Variants in VPS18 observed in about 807,000 individuals in gnomAD.
The protein encoded by VPS18 is VPS18 core subunit of CORVET and HOPS complexes.
A neutral mutation model predicts 82.0 loss-of-function variants in VPS18; 25 were observed. The observed-to-expected ratio is 0.30, with a 90% CI of 0.22 to 0.43. VPS18 has a LOEUF of 0.43. VPS18 is among the 20% of genes least tolerant of loss of function. VPS18 has a pLI of 1.00. For synonymous variants in VPS18, 523 were observed against 543.0 expected (o/e 0.96, Z 0.51); for missense variants, 1,168 against 1,311.1 (o/e 0.89, Z 1.69).
In VPS18 at chr15:40,900,375, C is replaced by G; in HGVS notation, c.1557C>G (p.Thr519=). Residue 519 remains threonine (T), a synonymous_variant, in exon 4 of 5, where the codon ACC becomes ACG. Coordinates refer to ENST00000220509, the MANE Select transcript of VPS18 (RefSeq NM_020857.3). This position sits in a 1 kb window ranked among gnomAD's most constrained non-coding sequence, Gnocchi z 5.4. ...DPEALTLYRE[T]KECFRTFLSS... The stretch of plus-strand genomic sequence containing the variant: ...AGGCCCTGACTCTCTACCGAGAAAC[C>G]AAGGAATGCTTTCGAACCTTCCTCA... The G allele has an allele frequency of 6.2e-7, 1 of 1,613,774 alleles. No homozygotes were observed. Among genetic ancestry groups the G allele is most frequent in the Non-Finnish European group, 8.5e-7 (1 of 1,180,008 alleles).
intron 2 of VPS18, among the ~76,000 whole-genome samples, chr15:40,897,639 A>T (rs1424595412): frequency 3.9e-5 from 6 of 152,218 alleles, no homozygotes; most frequent in Non-Finnish European, 7.3e-5. Context: ...TCATAAGGAA[A>T]ATATAAACAG....
In VPS18 at chr15:40,903,899, C is replaced by G. The variant is rs1017840465; in HGVS notation, c.*558C>G. The G allele has an allele frequency of 1.3e-5, 2 of 153,032 alleles. No individual in the cohort carries two copies. Among genetic ancestry groups the G allele is most frequent in the Non-Finnish European group, 2.9e-5 (2 of 68,636 alleles). 9.5% of individuals were successfully genotyped at this position (153,032 alleles called of 1,614,324 possible). On this transcript the variant is annotated 3_prime_UTR_variant, in exon 5 of 5. Coordinates refer to ENST00000220509, the MANE Select transcript of VPS18 (RefSeq NM_020857.3). ...CTCTGGGGCTCCAGTGTGAAGGGTG[C>G]CCTGGGGCTGAGGGCCTTGTGGAGG...
Position 40,903,178 on chromosome 15 carries a change from G to A in VPS18, c.2759G>A (p.Gly920Asp), listed in dbSNP as rs756745418. 2.5e-6 allele frequency: 4 copies of A among 1,607,460 alleles called. No homozygotes were observed. The highest frequency in any genetic ancestry group is 3.4e-5 in the Admixed American group (2 of 58,868). Residue 920 changes from glycine (G) to aspartate (D), a missense_variant, in exon 5 of 5, where the codon GGT becomes GAT. By Grantham distance (94) the Gly-to-Asp change is moderately conservative. Coordinates refer to ENST00000220509, the MANE Select transcript of VPS18 (RefSeq NM_020857.3). ...TCTGCCCGGGCCAAGGAGGCCGAGGGTGGGGCTGCCACGGCAGGGCCCAGC... is the reference window on the plus strand; with the variant it reads ...TCTGCCCGGGCCAAGGAGGCCGAGGATGGGGCTGCCACGGCAGGGCCCAGC... ...KGSARAKEAE[G>D]GAATAGPSRE...
At position 40,902,881 on chromosome 15, in the gene VPS18, G is replaced by A. The variant is rs201634565; in HGVS notation, c.2462G>A (p.Arg821Gln). Reference protein sequence around the residue: ...AYNHHIQELQREMEEATASAQ... With the variant: ...AYNHHIQELQQEMEEATASAQ... ...AACCACCACATCCAGGAGCTGCAGC[G>A]GGAGATGGAAGAGGCTACAGCCAGT... is the stretch of plus-strand genomic sequence containing the variant. The change falls in exon 5 of 5, where the codon CGG (arginine) becomes CAG (glutamine). Residue 821 changes from arginine (R) to glutamine (Q), a missense_variant. Coordinates refer to ENST00000220509, the MANE Select transcript of VPS18 (RefSeq NM_020857.3). The surrounding 1 kb of genome is among the most constrained non-coding windows in gnomAD (Gnocchi z 4.2). 1.9e-4 allele frequency: 305 copies of A among 1,614,268 alleles called. No individual in the cohort carries two copies. Among genetic ancestry groups the A allele is most frequent in the Non-Finnish European group, 2.3e-4 (272 of 1,180,046 alleles).
Position 40,903,433 on chromosome 15 carries a change from T to G in VPS18, c.*92T>G, listed in dbSNP as rs1892401057. The G allele has an allele frequency of 1.4e-6, 2 of 1,480,058 alleles. No homozygotes were observed. 91.7% of individuals were successfully genotyped at this position (1,480,058 alleles called of 1,614,324 possible). A position where few individuals can be genotyped will look rare whatever the true frequency, so the allele number is the denominator to read the frequency against. ...GCCTCCTAGGCTCTGCTCAGTCATC[T>G]TGCAATTGCCACACTGTGACCACGT... On this transcript the variant is annotated 3_prime_UTR_variant, in exon 5 of 5. Transcript: ENST00000220509.
intron 4 of VPS18, 55 bp downstream of exon 4, chr15:40,901,069 T>G (rs1892349781): frequency 6.4e-7 from 1 of 1,557,506 alleles, no homozygotes; most frequent in Non-Finnish European, 8.7e-7. Context: ...AGCAGTAGCT[T>G]TAGATGTGGA....
chr15:40,894,969 C>T (rs1428107891), intron 1 of VPS18, 110 bp downstream of exon 1: 6 of 1,108,134 alleles, frequency 5.4e-6, no homozygotes, highest in Non-Finnish European at 7.5e-6. Flanking sequence ...GCCGTGCCTT[C>T]CGGGTCTAGG....
rs752714151 is a variant in VPS18, at chr15:40,902,843, A to G, written c.2424A>G (p.Ser808=). The G allele has an allele frequency of 6.2e-7, 1 of 1,614,204 alleles. No homozygotes were observed. The highest frequency in any genetic ancestry group is 1.7e-5 in the Admixed American group (1 of 60,022). Residue 808 remains serine (S), a synonymous_variant, in exon 5 of 5, where the codon TCA becomes TCG. Transcript: ENST00000220509. This position sits in a 1 kb window ranked among gnomAD's most constrained non-coding sequence, Gnocchi z 4.2. ...ACTTCAAGGAGGCGATCTGCAGCTCACTTAAGGCCTACAACCACCACATCC... is the reference window on the plus strand; with the variant it reads ...ACTTCAAGGAGGCGATCTGCAGCTCGCTTAAGGCCTACAACCACCACATCC... The part of the protein sequence containing the change: ...IDHFKEAICS[S]LKAYNHHIQE...
In VPS18 at chr15:40,895,973, A is replaced by C. The variant is rs1173217096; in HGVS notation, c.127A>C (p.Ile43Leu). The C allele has an allele frequency of 1.2e-6, 2 of 1,614,048 alleles. No homozygotes were observed. The highest frequency in any genetic ancestry group is 2.2e-5 in the East Asian group (1 of 44,890). The stretch of plus-strand genomic sequence containing the variant: ...TGCCCAGCTGGAGAAGGAAGTGCCC[A>C]TCTTCACAAAGCAGCGCATTGACTT... ...VNAQLEKEVPIFTKQRIDFTP... is the reference protein window; with the variant it reads ...VNAQLEKEVPLFTKQRIDFTP... Residue 43 changes from isoleucine (I) to leucine (L), a missense_variant, in exon 2 of 5, where the codon ATC becomes CTC. Transcript: ENST00000220509.
intron 2 of VPS18, 185 bp from the exon 3 acceptor site, chr15:40,898,722 C>T (rs1052167477): frequency 4.4e-6 from 3 of 679,080 alleles, no homozygotes; most frequent in Admixed American, 2.2e-5. Context: ...ATCTACCCAC[C>T]TCGGACTCCC....
In VPS18 at chr15:40,894,682, C is replaced by T. The variant is rs1892196965; in HGVS notation, c.-87C>T. ...TCTGTCAGAGGCTGGGGAGTTACAG[C>T]TTCCATTCTGGGGCGACGGGGACCC... On this transcript the variant is annotated 5_prime_UTR_variant, in exon 1 of 5. Coordinates refer to ENST00000220509, the MANE Select transcript of VPS18 (RefSeq NM_020857.3). 3 of 1,331,164 alleles carry T rather than the reference C, an allele frequency of 2.3e-6. No homozygotes were observed. The highest frequency in any genetic ancestry group is 3.0e-6 in the Non-Finnish European group (3 of 989,654). The allele number at this position is 1,331,164 out of a possible 1,614,324, so 82.5% of individuals were successfully genotyped here.
chr15:40,902,788 C>T lies in VPS18; in HGVS notation c.2369C>T (p.Pro790Leu). ...CPLLKIEDVL[P>L]FFPDFVTIDH... The stretch of plus-strand genomic sequence containing the variant: ...TTGCTCAAGATTGAGGATGTGCTGC[C>T]CTTCTTTCCTGATTTCGTCACCATC... The change falls in exon 5 of 5, where the codon CCC (proline) becomes CTC (leucine). Residue 790 changes from proline (P) to leucine (L), a missense_variant. Around this residue, in one of 3 missense-constraint regions of VPS18, gnomAD observed 296 missense variants for 354.0 expected, o/e 0.84. Transcript: ENST00000220509. The surrounding 1 kb of genome is among the most constrained non-coding windows in gnomAD (Gnocchi z 4.2). The T allele has an allele frequency of 6.2e-7, 1 of 1,614,246 alleles. No individual in the cohort carries two copies. The highest frequency in any genetic ancestry group is 8.5e-7 in the Non-Finnish European group (1 of 1,180,040).
At chr15:40,895,098 T>C (rs2142035185) in intron 1 of VPS18, among the ~76,000 whole-genome samples, 1 of 152,326 alleles carries the variant, frequency 6.6e-6, no homozygotes, top group East Asian at 1.9e-4. Context: ...GAGAGGGAAT[T>C]GGGGCCCAGA....
intron 2 of VPS18, among the ~76,000 whole-genome samples, chr15:40,898,440 C>T (rs1892272830): frequency 6.6e-6 from 1 of 151,596 alleles, no homozygotes; most frequent in Non-Finnish European, 1.5e-5. Context: ...TTCAGGGCTA[C>T]TCCATAGGCA....
At position 40,899,754 on chromosome 15, in the gene VPS18, G is replaced by C; in HGVS notation, c.936G>C (p.Trp312Cys). 6.2e-7 allele frequency: 1 copy of C among 1,613,566 alleles called. No homozygotes were observed. The highest frequency in any genetic ancestry group is 8.5e-7 in the Non-Finnish European group (1 of 1,180,036). The change falls in exon 4 of 5, where the codon TGG (tryptophan) becomes TGC (cysteine). Residue 312 changes from tryptophan (W) to cysteine (C), a missense_variant. This residue lies in a region of VPS18 where 868 missense variants were observed against 939.8 expected (regional missense o/e 0.92). Transcript: ENST00000220509. This position sits in a 1 kb window ranked among gnomAD's most constrained non-coding sequence, Gnocchi z 4.4. Reference sequence around the variant, plus strand: ...CTCTGCTGAGCGAGGAGCGAGTCTGGGAGTACCCAGAGGGGGTAGGGCCTG... The same window carrying C: ...CTCTGCTGAGCGAGGAGCGAGTCTGCGAGTACCCAGAGGGGGTAGGGCCTG... Reference protein sequence around the residue: ...PDSLLSEERVWEYPEGVGPGA... With the variant: ...PDSLLSEERVCEYPEGVGPGA...
rs1892284644 is a variant in VPS18 at position 40,898,888 on chromosome 15, G to A, written c.234-19G>A. ...GGATCTTCCCTTCTCTAAAGTGATG[G>A]TGACGCTTGTCCCCACAGCATTGAC... On this transcript the variant is annotated intron_variant, in intron 2 of 4. Transcript: ENST00000220509. 4 of 1,611,494 alleles carry A rather than the reference G, an allele frequency of 2.5e-6. No individual in the cohort carries two copies. Among genetic ancestry groups the A allele is most frequent in the Non-Finnish European group, 2.5e-6 (3 of 1,178,506 alleles).
chr15:40,901,770 G>T (rs61250004), intron 4 of VPS18, among the ~76,000 whole-genome samples: 3 of 151,818 alleles, frequency 2.0e-5, no homozygotes, highest in Non-Finnish European at 4.4e-5. Flanking sequence ...GCTGGGCGTG[G>T]TGGCACGCAC....
At position 40,902,681 on chromosome 15, in the gene VPS18, G is replaced by C. The variant is rs1218988808; in HGVS notation, c.2262G>C (p.Lys754Asn). Residue 754 changes from lysine (K) to asparagine (N), a missense_variant, in exon 5 of 5, where the codon AAG (lysine) becomes AAC (asparagine). Transcript: ENST00000220509. The surrounding 1 kb of genome is among the most constrained non-coding windows in gnomAD (Gnocchi z 4.2). ...AGGAGGATGAGGAATTGCGCAAGAA[G>C]CTGTGGCTGAAGATCGCACGGCACG... ...LPEEDEELRK[K>N]LWLKIARHVV... The C allele has an allele frequency of 6.2e-7, 1 of 1,614,286 alleles. No homozygotes were observed. Among genetic ancestry groups the C allele is most frequent in the Non-Finnish European group, 8.5e-7 (1 of 1,180,050 alleles).
chr15:40,903,636 ACCTCTTCTGT>A lies in VPS18; in HGVS notation c.*298_*307del. ...CCCAATTCCACCCCCTGCCTCTAGC[ACCTCTTCTGT>A]CCCTGTCATTCCCCACACACGTCCT... On this transcript the variant is annotated 3_prime_UTR_variant, in exon 5 of 5. Transcript: ENST00000220509. 6.4e-6 allele frequency: 2 copies of A among 310,512 alleles called. No homozygotes were observed. The highest frequency in any genetic ancestry group is 8.2e-5 in the South Asian group (1 of 12,178). The allele number at this position is 310,512 out of a possible 1,614,324, so 19.2% of individuals were successfully genotyped here.
Sources: gnomAD v4.1 joint callset for allele counts (sites outside exome capture counted in the v4.1 genomes callset) on GRCh38, gnomAD v4.1.1 for gene constraint, gnomAD v4.1.1 regional missense constraint, Gnocchi (gnomAD v3.1) non-coding constraint, MANE v1.5 for transcripts, NCBI Gene and HGNC (gene_info 2026-07-23, HGNC 2026-07-21) for gene names.